Variants in HS3ST4 observed in about 807,000 individuals in gnomAD.
The protein encoded by HS3ST4 is heparan sulfate-glucosamine 3-sulfotransferase 4.
Under a neutral mutation model 29.2 loss-of-function variants are expected in HS3ST4, and 17 were observed. The observed-to-expected ratio is 0.58, with a 90% CI of 0.40 to 0.87. The LOEUF is 0.87. Ranked by LOEUF, HS3ST4 falls within the 40% of genes least tolerant of loss-of-function variation. HS3ST4 has a pLI of 0.00. For synonymous variants in HS3ST4, 314 were observed against 285.7 expected, an observed-to-expected ratio of 1.10 and a Z score of -1.00; for missense variants, 627 against 634.5, an observed-to-expected ratio of 0.99 and a Z score of 0.13.
At chr16:26,046,868 G>A (rs1898274707) in intron 1 of HS3ST4, among the ~76,000 whole-genome samples, 1 of 152,124 alleles carries the variant, frequency 6.6e-6, no homozygotes, top group African/African-American at 2.4e-5. Context: ...GACAGATGCA[G>A]AAATGAGTCA....
chr16:25,929,766 G>A (rs1047429910), intron 1 of HS3ST4, among the ~76,000 whole-genome samples: 3 of 152,168 alleles, frequency 2.0e-5, no homozygotes, highest in South Asian at 2.1e-4. Flanking sequence ...AGGCAAAAAC[G>A]TGATTCTTTT....
intron 1 of HS3ST4, among the ~76,000 whole-genome samples, chr16:25,889,204 T>C (rs13334227): frequency 0.32 from 48,990 of 152,064 alleles, 8,752 homozygotes; most frequent in East Asian, 0.71. Context: ...CTTCCGGAGA[T>C]GCATTAGCTG....
chr16:25,828,925 T>C (rs1187294371), intron 1 of HS3ST4, among the ~76,000 whole-genome samples: 2 of 152,216 alleles, frequency 1.3e-5, no homozygotes, highest in African/African-American at 2.4e-5. Context: ...ATAAGGTTCA[T>C]GTGAGAATTT....
intron 1 of HS3ST4, among the ~76,000 whole-genome samples, chr16:25,918,776 G>C (rs923306559): frequency 4.6e-5 from 7 of 152,162 alleles, no homozygotes; most frequent in Non-Finnish European, 7.3e-5. Flanking sequence ...CTGCACTCCA[G>C]GCTATGTGAC....
intron 1 of HS3ST4, among the ~76,000 whole-genome samples, chr16:26,126,494 C>T (rs1459927341): frequency 6.6e-6 from 1 of 152,158 alleles, no homozygotes; most frequent in East Asian, 1.9e-4. Context: ...TATTATCATC[C>T]CATTTTACGT....
At chr16:26,036,771 T>C (rs1969587072) in intron 1 of HS3ST4, among the ~76,000 whole-genome samples, 1 of 152,184 alleles carries the variant, frequency 6.6e-6, no homozygotes, top group Non-Finnish European at 1.5e-5. Flanking sequence ...ACATAATCTG[T>C]ATCTTGGAGG....
At chr16:26,017,419 G>A (rs1235284690) in intron 1 of HS3ST4, among the ~76,000 whole-genome samples, 1 of 152,168 alleles carries the variant, frequency 6.6e-6, no homozygotes, top group African/African-American at 2.4e-5. Flanking sequence ...GTTGATATTG[G>A]CTGCGTGTGG....
intron 1 of HS3ST4, among the ~76,000 whole-genome samples, chr16:25,928,750 A>G (rs905096545): frequency 3.9e-5 from 6 of 152,126 alleles, no homozygotes; most frequent in African/African-American, 1.4e-4. Flanking sequence ...GCTTTTCCAC[A>G]GGGCCATGAG....
chr16:26,040,247 A>G (rs866331686), intron 1 of HS3ST4, among the ~76,000 whole-genome samples: 2 of 149,588 alleles, frequency 1.3e-5, no homozygotes, highest in Non-Finnish European at 3.0e-5. Context: ...TTGTCTGTCC[A>G]TATTTGGAGG....
intron 1 of HS3ST4, among the ~76,000 whole-genome samples, chr16:25,899,010 C>T (rs1412615690): frequency 2.0e-5 from 3 of 152,206 alleles, no homozygotes; most frequent in African/African-American, 7.2e-5. Flanking sequence ...GTTTCACTGT[C>T]TAGATGTCTT....
rs547924666 is a variant in HS3ST4, at chr16:25,705,618, C to T, written c.734+12467C>T. On this transcript the variant is annotated intron_variant, in intron 1 of 1. Coordinates refer to ENST00000331351, the MANE Select transcript of HS3ST4 (RefSeq NM_006040.3). Reference sequence around the variant, plus strand: ...GGCGGAGGTTGCAGTGAGCTGAGATCGCACCACTACACTCCAGCCTGGTGA... The same window carrying T: ...GGCGGAGGTTGCAGTGAGCTGAGATTGCACCACTACACTCCAGCCTGGTGA... 3.9e-5 allele frequency among the ~76,000 whole-genome samples: 6 copies of T among 152,008 alleles called. No homozygotes were observed. In the East Asian group the frequency reaches 5.8e-4, roughly 15 times the overall value.
At chr16:25,964,655 T>G (rs915945974) in intron 1 of HS3ST4, among the ~76,000 whole-genome samples, 3 of 152,166 alleles carry the variant, frequency 2.0e-5, no homozygotes, top group African/African-American at 7.2e-5. Flanking sequence ...GCCTTTACGC[T>G]CAGTCCCTGT....
intron 1 of HS3ST4, among the ~76,000 whole-genome samples, chr16:25,860,307 A>G (rs919928355): frequency 6.6e-6 from 1 of 152,230 alleles, no homozygotes; most frequent in Non-Finnish European, 1.5e-5. Context: ...GCAGTTTCTT[A>G]TAAAACTAAA....
chr16:26,101,254 G>T (rs1181882277), intron 1 of HS3ST4, among the ~76,000 whole-genome samples: 2 of 152,200 alleles, frequency 1.3e-5, no homozygotes, highest in African/African-American at 4.8e-5. Context: ...TACCTGGAAT[G>T]CTATTGCCTC....
intron 1 of HS3ST4, among the ~76,000 whole-genome samples, chr16:26,110,611 A>G (rs1007089326): frequency 6.6e-6 from 1 of 152,180 alleles, no homozygotes; most frequent in Non-Finnish European, 1.5e-5. Context: ...CACCGCTCTC[A>G]TCGTTCTCTC....
intron 1 of HS3ST4, among the ~76,000 whole-genome samples, chr16:25,798,522 A>G (rs2141622984): frequency 6.6e-6 from 1 of 152,348 alleles, no homozygotes; most frequent in South Asian, 2.1e-4. Context: ...CCAATTAGAA[A>G]TGTGTACTTG....
intron 1 of HS3ST4, among the ~76,000 whole-genome samples, chr16:26,093,334 G>A (rs1043448153): frequency 2.0e-5 from 3 of 151,854 alleles, no homozygotes; most frequent in African/African-American, 7.3e-5. Flanking sequence ...ACATCTCCCA[G>A]TAGGGGCTGA....
At chr16:25,918,156 G>C (rs372247000) in intron 1 of HS3ST4, among the ~76,000 whole-genome samples, 18 of 152,110 alleles carry the variant, frequency 1.2e-4, no homozygotes, top group African/African-American at 4.1e-4. Context: ...TACAAATATG[G>C]GTAGAATAAT....
chr16:25,953,380 T>C (rs1968699931), intron 1 of HS3ST4, among the ~76,000 whole-genome samples: 1 of 152,220 alleles, frequency 6.6e-6, no homozygotes. Context: ...ATAGCCATTA[T>C]CCACTTCTTC....
Sources: allele counts gnomAD v4.1 joint callset (sites outside exome capture counted in the v4.1 genomes callset), GRCh38; gene constraint gnomAD v4.1.1; transcripts MANE v1.5; gene names NCBI Gene and HGNC (gene_info 2026-07-23, HGNC 2026-07-21).